TDRD12: variants seen among roughly 807,000 people sequenced by gnomAD.
TDRD12 encodes putative ATP-dependent RNA helicase TDRD12.
In TDRD12, 158 loss-of-function variants were observed where a neutral mutation model predicts 133.5. The ratio of observed to expected loss-of-function variants is 1.18; its 90% confidence interval spans 1.04 to 1.35. TDRD12 has a LOEUF of 1.35. Ranked by LOEUF, TDRD12 falls within the 40% of genes most tolerant of loss-of-function variation. The pLI, the probability that TDRD12 is intolerant of heterozygous loss-of-function variation, is 0.00. For missense variants in TDRD12, 1,443 were observed against 1,321.3 expected, an observed-to-expected ratio of 1.09 and a Z score of -1.43; for synonymous variants, 460 against 477.9, an observed-to-expected ratio of 0.96 and a Z score of 0.49.
exon 26 of TDRD12, chr19:32,815,562 A>G (rs1967149698): frequency 1.3e-6 from 2 of 1,536,308 alleles, no homozygotes; most frequent in Non-Finnish European, 1.7e-6. Flanking sequence ...AGAACAACTG[A>G]AAAAATTACG....
At chr19:32,720,175 C>G (rs2145389101) in intron 1 of TDRD12, 79 bp downstream of exon 1, 1 of 1,475,396 alleles carries the variant, frequency 6.8e-7, no homozygotes. Context: ...GCCTCCCACC[C>G]CCACCCCAGC....
intron 11 of TDRD12, among the ~76,000 whole-genome samples, chr19:32,785,993 G>A (rs1311328284): frequency 1.3e-5 from 2 of 152,034 alleles, no homozygotes; most frequent in African/African-American, 4.8e-5. Flanking sequence ...TGGTTATTTT[G>A]CCCATTAATT....
At chr19:32,786,776 G>C (rs1970919539) in intron 11 of TDRD12, among the ~76,000 whole-genome samples, 1 of 152,064 alleles carries the variant, frequency 6.6e-6, no homozygotes, top group Admixed American at 6.6e-5. Context: ...AGCTCCATCA[G>C]GTCATTTAAG....
rs148893007 is a variant in TDRD12, at chr19:32,804,361, C to T, written c.2552+1219C>T. 3.4e-3 allele frequency among the ~76,000 whole-genome samples: 513 copies of T among 151,190 alleles called. 4 individuals are homozygous for T. The highest frequency in any genetic ancestry group is 4.4e-3 in the Non-Finnish European group (299 of 67,734). On this transcript the variant is annotated intron_variant, in intron 21 of 27. Transcript: ENST00000444215. ...TGCTGAGATTACAGGCGTGAGCCAC[C>T]GCGCCCAGCCTGATGACTTTGTGTG...
chr19:32,728,698 T>C (rs1441549279), intron 1 of TDRD12, among the ~76,000 whole-genome samples: 1 of 147,012 alleles, frequency 6.8e-6, no homozygotes, highest in Non-Finnish European at 1.5e-5. Context: ...CAAGCTGGAG[T>C]GCAGTGGCGC....
At chr19:32,790,919 C>T (rs1170705866) in intron 12 of TDRD12, 45 bp from the exon 13 acceptor site, 40 of 1,517,172 alleles carry the variant, frequency 2.6e-5, no homozygotes, top group African/African-American at 4.2e-5. Context: ...CCTGTGCTGA[C>T]GCCTCAGGGC....
intron 27 of TDRD12, among the ~76,000 whole-genome samples, chr19:32,819,819 G>T (rs865845744): frequency 6.6e-6 from 1 of 152,280 alleles, no homozygotes; most frequent in Middle Eastern, 3.4e-3. Context: ...AGGGAACGTG[G>T]GTCTGCAGGT....
At chr19:32,753,939 C>T (rs1186529975) in intron 6 of TDRD12, among the ~76,000 whole-genome samples, 1 of 152,162 alleles carries the variant, frequency 6.6e-6, no homozygotes, top group South Asian at 2.1e-4. Flanking sequence ...ACCCACACTC[C>T]TGTGAAAACA....
chr19:32,732,637 G>T (rs966161911), intron 2 of TDRD12, among the ~76,000 whole-genome samples: 2 of 152,194 alleles, frequency 1.3e-5, no homozygotes, highest in Non-Finnish European at 2.9e-5. Context: ...CCTTGTCATG[G>T]TTGCCACAGC....
At chr19:32,756,021 G>T in exon 7 of TDRD12, 1 of 1,471,944 alleles carries the variant, frequency 6.8e-7, no homozygotes, top group East Asian at 2.8e-5. Flanking sequence ...TTGTTGCAAA[G>T]AACTATGCTT....
At chr19:32,739,136 G>A in intron 3 of TDRD12, 144 bp downstream of exon 3, 1 of 1,039,852 alleles carries the variant, frequency 9.6e-7, no homozygotes, top group Non-Finnish European at 1.4e-6. Context: ...CAGAAGGGGT[G>A]CTTTCTGGGT....
exon 11 of TDRD12, chr19:32,777,214 A>G: frequency 1.3e-6 from 2 of 1,539,046 alleles, no homozygotes; most frequent in South Asian, 1.2e-5. Flanking sequence ...TATGATGAGA[A>G]GAATAGCTGT....
At chr19:32,816,238 G>A (rs112822559) in intron 26 of TDRD12, among the ~76,000 whole-genome samples, 3 of 152,136 alleles carry the variant, frequency 2.0e-5, no homozygotes, top group Non-Finnish European at 4.4e-5. Flanking sequence ...CACATCAGAC[G>A]TGATGTGTTT....
intron 11 of TDRD12, among the ~76,000 whole-genome samples, chr19:32,783,517 T>C (rs1007277260): frequency 5.9e-5 from 9 of 152,174 alleles, no homozygotes; most frequent in African/African-American, 2.2e-4. Context: ...AGTGGTAGCT[T>C]GATGGGGATA....
chr19:32,738,816 AAAAT>A (rs1281680962), intron 2 of TDRD12, 36 bp from the exon 3 acceptor site: 12 of 1,543,556 alleles, frequency 7.8e-6, no homozygotes, highest in Admixed American at 4.0e-5. Flanking sequence ...CTGTCTCAAA[AAAAT>A]AAATAAATAA....
At chr19:32,754,985 G>C (rs142798573) in intron 6 of TDRD12, among the ~76,000 whole-genome samples, 1 of 152,336 alleles carries the variant, frequency 6.6e-6, no homozygotes, top group South Asian at 2.1e-4. Context: ...AGGAAAAAAT[G>C]TGGGCCAGCA....
chr19:32,756,053 A>C lies in TDRD12; in HGVS notation c.644A>C (p.Asn215Thr), dbSNP rs1019504812. The change falls in exon 7 of 28, where the codon AAT becomes ACT. Residue 215 changes from asparagine (N) to threonine (T), a missense_variant. By Grantham distance (65) the Asn-to-Thr change is moderately conservative. Coordinates refer to ENST00000444215, the Ensembl canonical transcript of TDRD12. The stretch of plus-strand genomic sequence containing the variant: ...GCTTGTTATATGTCACCTACAAAGA[A>C]TAAAAACCTTGATTATTTAGAAAAA... 1.8e-5 allele frequency: 26 copies of C among 1,482,110 alleles called. No homozygotes were observed. Among genetic ancestry groups the C allele is most frequent in the Non-Finnish European group, 2.3e-5 (26 of 1,123,552 alleles). The allele number at this position is 1,482,110 out of a possible 1,614,324, so 91.8% of individuals were successfully genotyped here. A position where few individuals can be genotyped will look rare whatever the true frequency, so the allele number is the denominator to read the frequency against.
intron 11 of TDRD12, among the ~76,000 whole-genome samples, chr19:32,786,027 A>G (rs978419090): frequency 6.6e-5 from 10 of 152,250 alleles, no homozygotes; most frequent in Admixed American, 3.3e-4. Context: ...CATAGTGTCA[A>G]TGGTCTTTAC....
In TDRD12 at chr19:32,743,629, A is replaced by T. The variant is rs985243210; in HGVS notation, c.440+729A>T. ...CTGGGAGGCCTCTGTGATCTTTTCC[A>T]GCTCTGAACTTGCAGGCCTTTGTCA... is the stretch of plus-strand genomic sequence containing the variant. On this transcript the variant is annotated intron_variant, in intron 4 of 27. Transcript: ENST00000444215. 2.8e-4 allele frequency among the ~76,000 whole-genome samples: 42 copies of T among 151,742 alleles called. 1 individual carries two copies. The highest frequency in any genetic ancestry group is 2.3e-3 in the Admixed American group (35 of 15,232).
Sources: allele counts gnomAD v4.1 joint callset (sites outside exome capture counted in the v4.1 genomes callset), GRCh38; gene constraint gnomAD v4.1.1; transcripts MANE v1.5; gene names NCBI Gene and HGNC (gene_info 2026-07-23, HGNC 2026-07-21).